HIF1A: variants seen among roughly 807,000 people sequenced by gnomAD.
The protein encoded by HIF1A is hypoxia inducible factor 1 subunit alpha, also known as hypoxia-inducible factor 1-alpha.
In HIF1A, 24 loss-of-function variants were observed where a neutral mutation model predicts 92.7. That is an observed-to-expected ratio of 0.26 (90% CI 0.19 to 0.36). The LOEUF is 0.36. HIF1A is among the 10% of genes least tolerant of loss of function. The pLI is 1.00. For missense variants in HIF1A, 799 were observed against 998.5 expected, an observed-to-expected ratio of 0.80 and a Z score of 2.69; for synonymous variants, 319 against 338.7, an observed-to-expected ratio of 0.94 and a Z score of 0.64.
intron 12 of HIF1A, among the ~76,000 whole-genome samples, chr14:61,742,725 A>G (rs2044727693): frequency 6.6e-6 from 1 of 151,884 alleles, no homozygotes; most frequent in South Asian, 2.1e-4. Context: ...GTCTACTAAA[A>G]ATGCAAAAAT....
At chr14:61,718,571 C>G (rs2044389279) in intron 1 of HIF1A, among the ~76,000 whole-genome samples, 1 of 152,056 alleles carries the variant, frequency 6.6e-6, no homozygotes, top group African/African-American at 2.4e-5. Flanking sequence ...TTATACAGAT[C>G]AAGTCTTACG....
chr14:61,710,471 G>A (rs1408092326), intron 1 of HIF1A, among the ~76,000 whole-genome samples: 1 of 152,168 alleles, frequency 6.6e-6, no homozygotes, highest in Admixed American at 6.5e-5. Context: ...TCTCTAACAT[G>A]TGGGTATCCT....
At chr14:61,733,741 G>C (rs2044603297) in intron 7 of HIF1A, among the ~76,000 whole-genome samples, 1 of 152,152 alleles carries the variant, frequency 6.6e-6, no homozygotes, top group Non-Finnish European at 1.5e-5. Flanking sequence ...GCTACATATA[G>C]CTTTTTAAAG....
intron 6 of HIF1A, among the ~76,000 whole-genome samples, chr14:61,729,486 A>C (rs67229007): frequency 0.74 from 108,778 of 147,694 alleles, 45,090 homozygotes; most frequent in Non-Finnish European, 0.92. Context: ...AAACAAAAAA[A>C]AGACCTCAGA....
At chr14:61,714,428 C>T (rs957851788) in intron 1 of HIF1A, among the ~76,000 whole-genome samples, 1 of 152,076 alleles carries the variant, frequency 6.6e-6, no homozygotes, top group Non-Finnish European at 1.5e-5. Context: ...AAATACAAAC[C>T]AAGAACTTGG....
chr14:61,740,303 T>C, intron 10 of HIF1A: 1 of 378,990 alleles, frequency 2.6e-6, no homozygotes, highest in Non-Finnish European at 4.8e-6. Flanking sequence ...TTGACCTCAT[T>C]ATCCCTCCAC....
At chr14:61,704,331 ACT>A in intron 1 of HIF1A, among the ~76,000 whole-genome samples, 1 of 152,084 alleles carries the variant, frequency 6.6e-6, no homozygotes, top group East Asian at 1.9e-4. Context: ...CTTTTCCTTT[ACT>A]TGGTTTTTTT....
chr14:61,746,825 C>G (rs1255071556), intron 14 of HIF1A, 109 bp from the exon 15 acceptor site: 3 of 813,262 alleles, frequency 3.7e-6, no homozygotes, highest in Admixed American at 3.2e-5. Context: ...AACTAAAAAC[C>G]CTTCCAGAAT....
intron 13 of HIF1A, 47 bp downstream of exon 13, chr14:61,744,860 C>CGTGTGTGTGTGTGT (rs60361955): frequency 1.9e-6 from 1 of 530,560 alleles, no homozygotes; most frequent in African/African-American, 2.0e-5. Flanking sequence ...TGTGCTATTT[C>CGTGTGTGTGTGTGT]GTGTGTGTGT....
intron 4 of HIF1A, among the ~76,000 whole-genome samples, chr14:61,722,116 C>T (rs1197993788): frequency 1.3e-5 from 2 of 149,506 alleles, no homozygotes; most frequent in African/African-American, 2.5e-5. Flanking sequence ...GATGGGGTCT[C>T]GCTCTTTTGC....
Position 61,740,857 on chromosome 14 carries a change from G to A in HIF1A, c.1762G>A (p.Ala588Thr), listed in dbSNP as rs11549467. The change falls in exon 12 of 15, where the codon GCA (alanine) becomes ACA (threonine). Residue 588 changes from alanine (A) to threonine (T), a missense_variant. Ala to Thr is a moderately conservative substitution (Grantham distance 58). Around this residue, in one of 2 missense-constraint regions of HIF1A, gnomAD observed 516 missense variants for 721.0 expected, o/e 0.72. Transcript: ENST00000337138. ...GTTGTCACCATTAGAAAGCAGTTCC[G>A]CAAGCCCTGAAAGCGCAAGTCCTCA... ...DQLSPLESSS[A>T]SPESASPQST... 7.8e-3 allele frequency: 12,631 copies of A among 1,614,010 alleles called. 109 individuals carry two copies. Among genetic ancestry groups the A allele is most frequent in the East Asian group, 0.041 (1,857 of 44,878 alleles).
chr14:61,707,196 T>C (rs911240105), intron 1 of HIF1A, among the ~76,000 whole-genome samples: 10 of 152,232 alleles, frequency 6.6e-5, no homozygotes, highest in African/African-American at 2.2e-4. Context: ...ATTATCATCA[T>C]TGGTAACACC....
intron 4 of HIF1A, among the ~76,000 whole-genome samples, chr14:61,724,027 A>G (rs978604153): frequency 9.2e-5 from 14 of 152,108 alleles, no homozygotes; most frequent in African/African-American, 3.4e-4. Flanking sequence ...AAATTCTAGA[A>G]AAATGCTTTA....
chr14:61,745,511 A>G (rs566957812), intron 13 of HIF1A, 180 bp from the exon 14 acceptor site: 2 of 629,300 alleles, frequency 3.2e-6, no homozygotes, highest in African/African-American at 3.7e-5. Flanking sequence ...ACTGGAAAGT[A>G]TTTATAGACA....
At chr14:61,720,671 A>G in intron 2 of HIF1A, 99 bp downstream of exon 2, 1 of 697,258 alleles carries the variant, frequency 1.4e-6, no homozygotes, top group Non-Finnish European at 2.3e-6. Flanking sequence ...TTGATTTTGT[A>G]TACCTCTTTA....
chr14:61,730,426 A>C (rs2044562504), intron 6 of HIF1A, among the ~76,000 whole-genome samples: 1 of 152,222 alleles, frequency 6.6e-6, no homozygotes, highest in Admixed American at 6.5e-5. Context: ...ATGACAATAT[A>C]AACAATACCT....
intron 1 of HIF1A, among the ~76,000 whole-genome samples, chr14:61,699,459 AT>A (rs5809116): frequency 0.94 from 136,306 of 144,968 alleles, 64,421 homozygotes; most frequent in South Asian, 0.99. Flanking sequence ...CTCTTGACTG[AT>A]TTTTTTTTTT....
rs2044102643 is a variant in HIF1A at position 61,695,557 on chromosome 14, C to T, written c.-248C>T. 1.7e-6 allele frequency: 1 copy of T among 580,642 alleles called. No homozygotes were observed. Among genetic ancestry groups the T allele is most frequent in the Non-Finnish European group, 3.1e-6 (1 of 327,740 alleles). 36.0% of individuals were successfully genotyped at this position (580,642 alleles called of 1,614,324 possible). ...TCTGAGGGGACAGGAGGATCACCCT[C>T]TTCGTCGCTTCGGCCAGTGTGTCGG... On this transcript the variant is annotated 5_prime_UTR_variant, in exon 1 of 15. Coordinates refer to ENST00000337138, the MANE Select transcript of HIF1A (RefSeq NM_001530.4).
intron 4 of HIF1A, among the ~76,000 whole-genome samples, chr14:61,724,946 C>A (rs181409671): frequency 6.6e-6 from 1 of 152,326 alleles, no homozygotes; most frequent in Admixed American, 6.5e-5. Context: ...ACAGCCCTAA[C>A]CTTCCCTTCT....
Sources: allele counts gnomAD v4.1 joint callset (sites outside exome capture counted in the v4.1 genomes callset), GRCh38; gene constraint gnomAD v4.1.1; regional missense constraint gnomAD v4.1.1; transcripts MANE v1.5; gene names NCBI Gene and HGNC (gene_info 2026-07-23, HGNC 2026-07-21).